The following WWOX variants were observed in gnomAD, a reference collection of about 807,000 sequenced individuals.
The protein encoded by WWOX is WW domain-containing oxidoreductase.
WWOX carries 69 observed loss-of-function variants against 46.2 expected under a neutral mutation model. The observed-to-expected ratio is 1.49, with a 90% confidence interval of 1.23 to 1.82. WWOX has a LOEUF of 1.82. Among genes scored for constraint, WWOX ranks in the 40% most tolerant of loss-of-function variants. The pLI, the probability that WWOX is intolerant of heterozygous loss-of-function variation, is 0.00. For missense variants in WWOX, 919 were observed against 542.6 expected, an observed-to-expected ratio of 1.69 and a Z score of -6.89; for synonymous variants, 359 against 202.6, an observed-to-expected ratio of 1.77 and a Z score of -6.56.
At chr16:78,994,561 T>C (rs1391151789) in intron 8 of WWOX, among the ~76,000 whole-genome samples, 2 of 152,200 alleles carry the variant, frequency 1.3e-5, no homozygotes, top group Non-Finnish European at 2.9e-5. Flanking sequence ...CAGAAATGAA[T>C]GTGAAGACCG....
At chr16:78,582,502 G>T (rs1167137463) in intron 8 of WWOX, among the ~76,000 whole-genome samples, 2 of 152,118 alleles carry the variant, frequency 1.3e-5, no homozygotes, top group African/African-American at 4.8e-5. Context: ...GGTGTATGAT[G>T]ACAGTTTAAA....
intron 8 of WWOX, among the ~76,000 whole-genome samples, chr16:78,734,255 C>T (rs991796577): frequency 6.6e-6 from 1 of 151,892 alleles, no homozygotes; most frequent in Non-Finnish European, 1.5e-5. Flanking sequence ...TTTATAAGTG[C>T]AAGGATTGCA....
At chr16:78,921,387 A>T (rs2045375113) in intron 8 of WWOX, among the ~76,000 whole-genome samples, 1 of 152,224 alleles carries the variant, frequency 6.6e-6, no homozygotes, top group African/African-American at 2.4e-5. Flanking sequence ...CTCACTGGTC[A>T]TGGGGAGTAC....
Position 78,100,099 on chromosome 16 carries a change from C to G in WWOX, c.107+214C>G. On this transcript the variant is annotated intron_variant, in intron 1 of 8. Coordinates refer to ENST00000566780, the MANE Select transcript of WWOX (RefSeq NM_016373.4). ...TCCAGCGGGGGTCACCTGGTGGCTT[C>G]CCGGCGCGCCCTCTGCTGTTCAGGA... 4.4e-6 allele frequency: 6 copies of G among 1,376,138 alleles called. No individual in the cohort carries two copies. The South Asian group carries it at 7.0e-5, about 16-fold the overall frequency. The allele number at this position is 1,376,138 out of a possible 1,614,324, so 85.2% of individuals were successfully genotyped here.
chr16:79,067,447 C>T (rs2048462188), intron 8 of WWOX, among the ~76,000 whole-genome samples: 2 of 152,118 alleles, frequency 1.3e-5, no homozygotes, highest in Non-Finnish European at 2.9e-5. Context: ...CACGTTTGGG[C>T]TTCCCTCCAC....
chr16:78,967,326 G>A (rs2046380891), intron 8 of WWOX, among the ~76,000 whole-genome samples: 1 of 104,676 alleles, frequency 9.6e-6, no homozygotes, highest in Admixed American at 1.5e-4. Flanking sequence ...GACTCACTCT[G>A]TCACCCAGGC....
intron 5 of WWOX, among the ~76,000 whole-genome samples, chr16:78,208,167 G>A (rs899969227): frequency 5.9e-5 from 9 of 152,136 alleles, no homozygotes; most frequent in African/African-American, 1.7e-4. Context: ...ATTCCTTCGT[G>A]GAGCTCAGAG....
chr16:78,890,912 C>G (rs1406850651), intron 8 of WWOX: 1 of 152,142 alleles, frequency 6.6e-6, no homozygotes, highest in African/African-American at 2.4e-5. Context: ...GAATCAATCT[C>G]CTTTCATCAG....
chr16:78,619,887 G>C (rs1265128873), intron 8 of WWOX, among the ~76,000 whole-genome samples: 1 of 152,084 alleles, frequency 6.6e-6, no homozygotes, highest in Non-Finnish European at 1.5e-5. Context: ...GGGCGACAGA[G>C]TGAGAACCTG....
In WWOX at chr16:79,052,801, G is replaced by A. The variant is rs1024655973; in HGVS notation, c.1057-158807G>A. 2.0e-5 allele frequency among the ~76,000 whole-genome samples: 3 copies of A among 152,276 alleles called. 1 individual carries two copies. The highest frequency in any genetic ancestry group is 3.9e-4 in the East Asian group (2 of 5,180). On this transcript the variant is annotated intron_variant, in intron 8 of 8. Transcript: ENST00000566780. ...TGCTGAGGAAATTAAATTCCTGTTCGAGTGCTATTTCTTTATGGCACTGAG... is the reference window on the plus strand; with the variant it reads ...TGCTGAGGAAATTAAATTCCTGTTCAAGTGCTATTTCTTTATGGCACTGAG...
At chr16:78,139,108 T>C (rs2033899382) in intron 4 of WWOX, among the ~76,000 whole-genome samples, 1 of 151,996 alleles carries the variant, frequency 6.6e-6, no homozygotes, top group Non-Finnish European at 1.5e-5. Flanking sequence ...AGTCATTGGG[T>C]CATGTCCTAG....
chr16:78,392,224 C>T (rs2082191248), intron 6 of WWOX, among the ~76,000 whole-genome samples: 1 of 151,994 alleles, frequency 6.6e-6, no homozygotes, highest in Non-Finnish European at 1.5e-5. Flanking sequence ...AGGTCCTCCC[C>T]CTGTCAGATC....
intron 8 of WWOX, among the ~76,000 whole-genome samples, chr16:79,132,557 G>C (rs1189455157): frequency 6.6e-6 from 1 of 152,084 alleles, no homozygotes; most frequent in Non-Finnish European, 1.5e-5. Flanking sequence ...GATCTCGATA[G>C]CAGCAACCTT....
Position 78,731,839 on chromosome 16 carries a change from C to CTTTTTTTTTTTTTTTTTTTTTTTTTTTT in WWOX, c.1056+299090_1056+299091insTTTTTTTTTTTTTTTTTTTTTTTTTTTT, listed in dbSNP as rs1358966064. ...GCACTCCCCAATGCCAATTTTTTTT[C>CTTTTTTTTTTTTTTTTTTTTTTTTTTTT]TTTCTCTTTTTTTTTTTTTTTTTTG... On this transcript the variant is annotated intron_variant, in intron 8 of 8. Coordinates refer to ENST00000566780, the MANE Select transcript of WWOX (RefSeq NM_016373.4). Among the ~76,000 whole-genome samples the CTTTTTTTTTTTTTTTTTTTTTTTTTTTT allele has an allele frequency of 1.8e-5, 2 of 111,498 alleles. 1 individual carries two copies. The highest frequency in any genetic ancestry group is 1.1e-4 in the African/African-American group (2 of 18,776). The allele number at this position is 111,498 out of a possible 152,430, so 73.1% of individuals were successfully genotyped here. A position where few individuals can be genotyped will look rare whatever the true frequency, so the allele number is the denominator to read the frequency against.
intron 8 of WWOX, among the ~76,000 whole-genome samples, chr16:78,624,206 C>G (rs1180109033): frequency 1.5e-5 from 2 of 134,820 alleles, no homozygotes; most frequent in Admixed American, 7.5e-5. Flanking sequence ...ATTTTCTAAT[C>G]TTTTTTTTTT....
chr16:78,572,340 A>G (rs1268287530), intron 8 of WWOX, among the ~76,000 whole-genome samples: 1 of 152,206 alleles, frequency 6.6e-6, no homozygotes, highest in African/African-American at 2.4e-5. Flanking sequence ...CACACCTGTA[A>G]TGCCAGCACT....
chr16:78,573,367 G>A (rs2044766982), intron 8 of WWOX, among the ~76,000 whole-genome samples: 1 of 152,150 alleles, frequency 6.6e-6, no homozygotes, highest in Admixed American at 6.5e-5. Flanking sequence ...CAGATACTTG[G>A]CTGTTTTGTT....
At chr16:78,473,504 T>A (rs1597134938) in intron 8 of WWOX, among the ~76,000 whole-genome samples, 1 of 152,182 alleles carries the variant, frequency 6.6e-6, no homozygotes, top group Non-Finnish European at 1.5e-5. Context: ...GAGCTGACAA[T>A]ATTGACCGAC....
At chr16:78,906,710 C>T (rs1597133606) in intron 8 of WWOX, among the ~76,000 whole-genome samples, 1 of 152,176 alleles carries the variant, frequency 6.6e-6, no homozygotes, top group African/African-American at 2.4e-5. Context: ...CCTGTCAGCT[C>T]TATGGATGTG....
Sources: allele counts gnomAD v4.1 joint callset (sites outside exome capture counted in the v4.1 genomes callset), GRCh38; gene constraint gnomAD v4.1.1; transcripts MANE v1.5; gene names NCBI Gene and HGNC (gene_info 2026-07-23, HGNC 2026-07-21).